The following CCDC175 variants were observed in gnomAD, a reference collection of about 807,000 sequenced individuals.
The protein encoded by CCDC175 is coiled-coil domain-containing protein 175.
In CCDC175, 100 loss-of-function variants were observed where a neutral mutation model predicts 114.6. That is an observed-to-expected ratio of 0.87 (90% CI 0.74 to 1.03). The LOEUF is 1.03. CCDC175 is among the 50% of genes least tolerant of loss of function. The pLI, the probability that CCDC175 is intolerant of heterozygous loss-of-function variation, is 0.00. For synonymous variants in CCDC175, 306 were observed against 308.7 expected, an observed-to-expected ratio of 0.99 and a Z score of 0.09; for missense variants, 880 against 917.8, an observed-to-expected ratio of 0.96 and a Z score of 0.53.
intron 8 of CCDC175, among the ~76,000 whole-genome samples, chr14:59,548,851 G>C (rs565588577): frequency 6.6e-6 from 1 of 152,262 alleles, no homozygotes; most frequent in Non-Finnish European, 1.5e-5. Flanking sequence ...CATTCTTCTG[G>C]GAGGGAGCTG....
chr14:59,572,903 G>A (rs374313600), intron 2 of CCDC175, 90 bp from the exon 3 acceptor site: 1 of 665,586 alleles, frequency 1.5e-6, no homozygotes, highest in Non-Finnish European at 2.3e-6. Context: ...GTTTTCAGGG[G>A]TCAAAATATA....
intron 7 of CCDC175, among the ~76,000 whole-genome samples, chr14:59,552,431 A>G (rs1012747835): frequency 6.6e-6 from 1 of 152,220 alleles, no homozygotes; most frequent in Admixed American, 6.5e-5. Context: ...GGAAAACTAA[A>G]AAACAGAAAG....
At chr14:59,564,713 A>G (rs951908264) in intron 5 of CCDC175, among the ~76,000 whole-genome samples, 4 of 152,126 alleles carry the variant, frequency 2.6e-5, no homozygotes, top group African/African-American at 9.7e-5. Context: ...TCCTGTCCAT[A>G]CAGACACAGT....
chr14:59,565,416 G>A, intron 4 of CCDC175, 141 bp from the exon 5 acceptor site: 1 of 765,106 alleles, frequency 1.3e-6, no homozygotes, highest in Non-Finnish European at 2.0e-6. Context: ...GTCTAAACTT[G>A]GTTGAAGGCC....
intron 17 of CCDC175, among the ~76,000 whole-genome samples, chr14:59,513,478 C>G (rs1892869440): frequency 6.6e-6 from 1 of 152,202 alleles, no homozygotes; most frequent in South Asian, 2.1e-4. Flanking sequence ...CAATATGGTG[C>G]TTTTCCAACT....
chr14:59,540,841 T>C (rs916806474), intron 10 of CCDC175, 95 bp from the exon 11 acceptor site: 6 of 1,048,512 alleles, frequency 5.7e-6, no homozygotes, highest in East Asian at 2.6e-5. Context: ...AGTAAGGCTA[T>C]AGTCTAATTG....
intron 17 of CCDC175, among the ~76,000 whole-genome samples, chr14:59,516,709 G>A (rs1011246598): frequency 2.6e-5 from 4 of 152,188 alleles, no homozygotes; most frequent in Non-Finnish European, 5.9e-5. Flanking sequence ...TCCAGGACCA[G>A]ATGGATTCCC....
At chr14:59,554,408 T>A (rs1895735663) in intron 7 of CCDC175, among the ~76,000 whole-genome samples, 1 of 152,190 alleles carries the variant, frequency 6.6e-6, no homozygotes, top group Non-Finnish European at 1.5e-5. Context: ...AGATGTTCTT[T>A]GAAACCAATG....
intron 14 of CCDC175, among the ~76,000 whole-genome samples, chr14:59,527,958 C>T (rs538044621): frequency 7.9e-5 from 12 of 152,026 alleles, no homozygotes; most frequent in African/African-American, 1.9e-4. Context: ...ATTCTTATGT[C>T]GGACCTCCTG....
intron 1 of CCDC175, among the ~76,000 whole-genome samples, chr14:59,575,697 A>G (rs1595091327): frequency 1.3e-5 from 2 of 152,042 alleles, no homozygotes; most frequent in African/African-American, 4.8e-5. Flanking sequence ...TTTAGTAGAG[A>G]CGGGGTTTCA....
chr14:59,523,673 C>A (rs1474407584), intron 16 of CCDC175, among the ~76,000 whole-genome samples: 1 of 152,188 alleles, frequency 6.6e-6, no homozygotes, highest in African/African-American at 2.4e-5. Context: ...AATGGTATTT[C>A]TTTTGCCTTT....
intron 17 of CCDC175, among the ~76,000 whole-genome samples, chr14:59,517,138 C>A (rs1893139553): frequency 6.6e-6 from 1 of 152,182 alleles, no homozygotes; most frequent in African/African-American, 2.4e-5. Flanking sequence ...GCTAAAAACT[C>A]TCAATAAATT....
Position 59,505,272 on chromosome 14 carries a change from A to G in CCDC175, c.2349T>C (p.Val783=). The change falls in exon 20 of 20, where the codon GTT becomes GTC. Residue 783 remains valine (V), a synonymous_variant. Coordinates refer to ENST00000537690, the MANE Select transcript of CCDC175 (RefSeq NM_001164399.2). ...HIRTRVHFPV[V]KCTEKNTLTK is the part of the protein sequence containing the mutation. ...TTAATGTATTTTTCTCAGTACATTT[A>G]ACCACTGGGAAATGAACCCTTGTAC... 1 of 1,509,558 alleles carries G rather than the reference A, an allele frequency of 6.6e-7. No homozygotes were observed. Among genetic ancestry groups the G allele is most frequent in the Non-Finnish European group, 8.9e-7 (1 of 1,128,042 alleles). 93.5% of individuals were successfully genotyped at this position (1,509,558 alleles called of 1,614,324 possible). A position where few individuals can be genotyped will look rare whatever the true frequency, so the allele number is the denominator to read the frequency against.
intron 7 of CCDC175, among the ~76,000 whole-genome samples, chr14:59,553,139 A>T (rs1230944274): frequency 6.6e-6 from 1 of 152,192 alleles, no homozygotes; most frequent in Admixed American, 6.5e-5. Flanking sequence ...CCTCCAGAAG[A>T]GCAACTCCAA....
rs1895111517 is a variant in CCDC175, at chr14:59,546,403, A to T, written c.1036-1104T>A. 2.0e-5 allele frequency among the ~76,000 whole-genome samples: 3 copies of T among 152,288 alleles called. No individual in the cohort carries two copies. In the South Asian group the frequency reaches 6.2e-4, roughly 32 times the overall value. On this transcript the variant is annotated intron_variant, in intron 8 of 19. Coordinates refer to ENST00000537690, the MANE Select transcript of CCDC175 (RefSeq NM_001164399.2). The stretch of plus-strand genomic sequence containing the variant: ...TGGGTGACGGGATCATTAGCAGCCC[A>T]AATCTCAGCATTATGCAATATACCC...
intron 6 of CCDC175, among the ~76,000 whole-genome samples, chr14:59,563,060 T>G (rs1238374391): frequency 6.6e-6 from 1 of 152,314 alleles, no homozygotes. Flanking sequence ...ACACTAAAGA[T>G]TCATTAGTTC....
intron 14 of CCDC175, 82 bp from the exon 15 acceptor site, chr14:59,527,256 C>G: frequency 1.4e-6 from 1 of 706,200 alleles, no homozygotes; most frequent in African/African-American, 1.9e-5. Context: ...TTTTAAAAAT[C>G]AAATTATCTC....
intron 18 of CCDC175, among the ~76,000 whole-genome samples, chr14:59,511,263 A>T (rs1892723887): frequency 6.6e-6 from 1 of 152,198 alleles, no homozygotes. Flanking sequence ...ACGCTTTCCT[A>T]GTCCAGTGTT....
At chr14:59,533,188 T>C (rs533379165) in intron 13 of CCDC175, among the ~76,000 whole-genome samples, 1 of 152,280 alleles carries the variant, frequency 6.6e-6, no homozygotes, top group Non-Finnish European at 1.5e-5. Context: ...GGAACTAATA[T>C]CTCTTGGACG....
Sources: allele counts gnomAD v4.1 joint callset (sites outside exome capture counted in the v4.1 genomes callset), GRCh38; gene constraint gnomAD v4.1.1; transcripts MANE v1.5; gene names NCBI Gene and HGNC (gene_info 2026-07-23, HGNC 2026-07-21).